CDH18: variants seen among roughly 807,000 people sequenced by gnomAD.
CDH18 encodes the protein cadherin 18.
CDH18 carries 31 observed loss-of-function variants against 67.9 expected under a neutral mutation model. That is an observed-to-expected ratio of 0.46 (90% CI 0.34 to 0.62). The LOEUF is 0.62. Ranked by LOEUF, CDH18 falls within the 20% of genes least tolerant of loss-of-function variation. The pLI, the probability that CDH18 is intolerant of heterozygous loss-of-function variation, is 0.01. For missense variants in CDH18, 890 were observed against 975.5 expected (o/e 0.91, Z 1.17); for synonymous variants, 362 against 347.2 (o/e 1.04, Z -0.48).
intron 2 of CDH18, among the ~76,000 whole-genome samples, chr5:20,109,153 C>G (rs1026209223): frequency 7.9e-5 from 12 of 152,190 alleles, no homozygotes; most frequent in Middle Eastern, 3.4e-3. Flanking sequence ...AACAATGTGA[C>G]AGACAAGGAA....
At chr5:20,019,019 A>G (rs58031611) in intron 2 of CDH18, among the ~76,000 whole-genome samples, 16,930 of 150,504 alleles carry the variant, frequency 0.11, 3,117 homozygotes, top group African/African-American at 0.36. Flanking sequence ...GGATGGTCTC[A>G]ATCTCCTGAC....
intron 1 of CDH18, among the ~76,000 whole-genome samples, chr5:20,302,239 T>C (rs1264951385): frequency 6.6e-6 from 1 of 152,222 alleles, no homozygotes; most frequent in African/African-American, 2.4e-5. Context: ...TGTGGCTAAG[T>C]TGCGACAAAC....
intron 1 of CDH18, among the ~76,000 whole-genome samples, chr5:20,453,425 A>C (rs1291510631): frequency 1.3e-5 from 2 of 152,136 alleles, no homozygotes; most frequent in African/African-American, 4.8e-5. Flanking sequence ...AAGTCATTCA[A>C]GATCTTTAAT....
At chr5:19,931,265 G>T (rs1244993235) in intron 2 of CDH18, among the ~76,000 whole-genome samples, 3 of 151,870 alleles carry the variant, frequency 2.0e-5, no homozygotes, top group Non-Finnish European at 4.4e-5. Context: ...AATCTGAGTT[G>T]TGATTTCATC....
At chr5:19,714,425 A>AT (rs988176965) in intron 5 of CDH18, among the ~76,000 whole-genome samples, 86 of 151,574 alleles carry the variant, frequency 5.7e-4, no homozygotes, top group Middle Eastern at 3.4e-3. Context: ...TCTACAGCTG[A>AT]TTTTTTTTCT....
upstream of CDH18, among the ~76,000 whole-genome samples, chr5:19,989,813 A>C (rs1031590607): frequency 2.0e-5 from 3 of 152,202 alleles, no homozygotes; most frequent in African/African-American, 7.2e-5. Flanking sequence ...CAACAGGAGC[A>C]ATGAGGTAGA....
At chr5:20,182,409 C>A (rs948391860) in intron 2 of CDH18, among the ~76,000 whole-genome samples, 2 of 151,664 alleles carry the variant, frequency 1.3e-5, no homozygotes, top group Non-Finnish European at 1.5e-5. Flanking sequence ...TTGAGACCAG[C>A]CTGACCAAAA....
intron 8 of CDH18, among the ~76,000 whole-genome samples, chr5:19,564,880 C>A (rs1340450425): frequency 6.6e-6 from 1 of 151,788 alleles, no homozygotes; most frequent in Non-Finnish European, 1.5e-5. Flanking sequence ...CACAAGCTGA[C>A]AGAAGAGCCC....
chr5:20,012,466 C>A (rs1006828309), intron 2 of CDH18, among the ~76,000 whole-genome samples: 1 of 149,832 alleles, frequency 6.7e-6, no homozygotes, highest in African/African-American at 2.5e-5. Flanking sequence ...CATTTCTATA[C>A]ATCAATTTTG....
chr5:20,224,793 G>C (rs561623602), intron 2 of CDH18, among the ~76,000 whole-genome samples: 1 of 152,048 alleles, frequency 6.6e-6, no homozygotes, highest in Non-Finnish European at 1.5e-5. Flanking sequence ...TAATTTGCAA[G>C]AGTGTGCTTT....
intron 1 of CDH18, among the ~76,000 whole-genome samples, chr5:20,414,662 A>T (rs1484893905): frequency 6.6e-6 from 1 of 152,206 alleles, no homozygotes; most frequent in Admixed American, 6.5e-5. Context: ...TTGAAAAATG[A>T]ACAAAATATA....
intron 1 of CDH18, among the ~76,000 whole-genome samples, chr5:20,527,738 C>T (rs1756155420): frequency 6.6e-6 from 1 of 152,060 alleles, no homozygotes; most frequent in African/African-American, 2.4e-5. Flanking sequence ...CCAGGCCTGC[C>T]TTGCAAGAGC....
chr5:20,054,775 C>T (rs764899834), intron 2 of CDH18, among the ~76,000 whole-genome samples: 17 of 152,072 alleles, frequency 1.1e-4, no homozygotes, highest in Non-Finnish European at 2.1e-4. Flanking sequence ...AAAATGTATC[C>T]CCATTCTACA....
intron 3 of CDH18, among the ~76,000 whole-genome samples, chr5:19,786,351 C>A (rs1241126014): frequency 6.6e-6 from 1 of 152,052 alleles, no homozygotes; most frequent in Non-Finnish European, 1.5e-5. Context: ...CAGTGCACCC[C>A]AAACTTGCTA....
intron 1 of CDH18, among the ~76,000 whole-genome samples, chr5:20,258,338 A>G (rs1405007895): frequency 6.6e-6 from 1 of 152,104 alleles, no homozygotes. Context: ...CTCCAAGGAA[A>G]ACTCATATCC....
At chr5:20,349,882 C>T (rs1376211120) in intron 1 of CDH18, among the ~76,000 whole-genome samples, 2 of 152,088 alleles carry the variant, frequency 1.3e-5, no homozygotes, top group African/African-American at 2.4e-5. Flanking sequence ...GCTTGAAATG[C>T]TCTAAAACCT....
At chr5:19,843,467 A>G (rs1423431379) in intron 2 of CDH18, among the ~76,000 whole-genome samples, 1 of 149,270 alleles carries the variant, frequency 6.7e-6, no homozygotes, top group Admixed American at 6.8e-5. Flanking sequence ...ATTTCAGAGG[A>G]TGTATAGGAA....
At chr5:20,483,255 C>T (rs529716680) in intron 1 of CDH18, among the ~76,000 whole-genome samples, 1 of 151,834 alleles carries the variant, frequency 6.6e-6, no homozygotes, top group South Asian at 2.1e-4. Flanking sequence ...AACATTGATG[C>T]CAGAAATTGA....
chr5:19,958,080 G>T (rs996105806), intron 2 of CDH18, among the ~76,000 whole-genome samples: 5 of 151,540 alleles, frequency 3.3e-5, no homozygotes, highest in East Asian at 1.9e-4. Context: ...ACTTATGATG[G>T]CTGGCCCAGC....
Sources: allele counts gnomAD v4.1 joint callset (sites outside exome capture counted in the v4.1 genomes callset), GRCh38; gene constraint gnomAD v4.1.1; transcripts MANE v1.5; gene names NCBI Gene and HGNC (gene_info 2026-07-23, HGNC 2026-07-21).